The following DTWD2 variants were observed in gnomAD, a reference collection of about 807,000 sequenced individuals.
DTWD2 encodes DTW motif tRNA-uridine aminocarboxypropyltransferase 2.
A neutral mutation model predicts 31.8 loss-of-function variants in DTWD2; 39 were observed. That is an observed-to-expected ratio of 1.22 (90% CI 0.95 to 1.60). DTWD2 has a LOEUF of 1.60. Ranked by LOEUF, DTWD2 falls within the 40% of genes most tolerant of loss-of-function variation. DTWD2 has a pLI of 0.00. For synonymous variants in DTWD2, 180 were observed against 142.8 expected (o/e 1.26, Z -1.86); for missense variants, 515 against 381.5 (o/e 1.35, Z -2.92).
intron 4 of DTWD2, among the ~76,000 whole-genome samples, chr5:118,871,214 CTCTTG>C (rs1752497313): frequency 6.6e-6 from 1 of 152,074 alleles, no homozygotes; most frequent in African/African-American, 2.4e-5. Flanking sequence ...AATTTTAGTT[CTCTTG>C]TTATTTTCAC....
At chr5:118,870,871 T>C (rs1238942474) in intron 4 of DTWD2, among the ~76,000 whole-genome samples, 1 of 151,426 alleles carries the variant, frequency 6.6e-6, no homozygotes, top group East Asian at 1.9e-4. Context: ...TTTTCAAAAC[T>C]GGAGTCAATC....
At chr5:118,959,651 A>T (rs1580438279) in intron 1 of DTWD2, among the ~76,000 whole-genome samples, 2 of 152,250 alleles carry the variant, frequency 1.3e-5, no homozygotes, top group East Asian at 3.8e-4. Flanking sequence ...AACAATTGCA[A>T]TTCTAAGCAA....
chr5:118,959,500 A>T (rs1039008019), intron 1 of DTWD2, among the ~76,000 whole-genome samples: 13 of 152,238 alleles, frequency 8.5e-5, no homozygotes, highest in African/African-American at 2.7e-4. Context: ...AGGAAGAGTC[A>T]ACATTGTTAA....
intron 1 of DTWD2, among the ~76,000 whole-genome samples, chr5:118,982,305 C>T (rs1755319207): frequency 2.0e-5 from 3 of 152,058 alleles, no homozygotes; most frequent in African/African-American, 4.8e-5. Context: ...AAATATAATT[C>T]CTATTTTTCC....
Position 118,855,909 on chromosome 5 carries a change from T to A in DTWD2, c.598-7691A>T, listed in dbSNP as rs140736285. On this transcript the variant is annotated intron_variant, in intron 4 of 5. Coordinates refer to ENST00000510708, the MANE Select transcript of DTWD2 (RefSeq NM_173666.4). ...AACACCTTAATTTTCAAAATATGAT[T>A]ACAAAATTTTTAATATTTATAAAAT... Among the ~76,000 whole-genome samples, 754 of 152,268 alleles carry A rather than the reference T, an allele frequency of 5.0e-3. 8 individuals are homozygous for A. The highest frequency in any genetic ancestry group is 0.017 in the African/African-American group (723 of 41,556).
intron 4 of DTWD2, among the ~76,000 whole-genome samples, chr5:118,910,300 T>G (rs756582375): frequency 6.6e-6 from 1 of 152,222 alleles, no homozygotes; most frequent in Non-Finnish European, 1.5e-5. Flanking sequence ...AATATACTTT[T>G]TCACTGCTCA....
chr5:118,930,425 T>A (rs1200504074), intron 3 of DTWD2, among the ~76,000 whole-genome samples: 3 of 152,020 alleles, frequency 2.0e-5, no homozygotes, highest in African/African-American at 7.2e-5. Context: ...ATAAAGAGTT[T>A]GAAAGTCATC....
At chr5:118,974,735 G>A (rs1208627049) in intron 1 of DTWD2, 9 of 468,614 alleles carry the variant, frequency 1.9e-5, no homozygotes, top group Non-Finnish European at 3.4e-5. Flanking sequence ...TATTTTTTTT[G>A]GCCTGTTTGA....
intron 1 of DTWD2, among the ~76,000 whole-genome samples, chr5:118,983,874 G>A (rs1378154792): frequency 3.9e-5 from 6 of 152,200 alleles, no homozygotes; most frequent in African/African-American, 1.2e-4. Context: ...CAGTAGCTGG[G>A]CGCGGTGGCT....
At chr5:118,860,362 T>C (rs1465308189) in intron 4 of DTWD2, among the ~76,000 whole-genome samples, 1 of 151,516 alleles carries the variant, frequency 6.6e-6, no homozygotes, top group Non-Finnish European at 1.5e-5. Flanking sequence ...TAAATATCAT[T>C]CCTTTTCATA....
intron 4 of DTWD2, among the ~76,000 whole-genome samples, chr5:118,872,229 C>A (rs376651906): frequency 1.3e-5 from 2 of 152,184 alleles, no homozygotes; most frequent in East Asian, 3.8e-4. Flanking sequence ...TCCCTATCAG[C>A]AATAAGGTTA....
chr5:118,934,139 T>A (rs1480320952), intron 3 of DTWD2, among the ~76,000 whole-genome samples: 1 of 150,214 alleles, frequency 6.7e-6, no homozygotes, highest in Non-Finnish European at 1.5e-5. Context: ...AAAACACTGA[T>A]AAAAAGCAAA....
At chr5:118,958,602 A>C (rs1021320996) in intron 1 of DTWD2, among the ~76,000 whole-genome samples, 2 of 143,282 alleles carry the variant, frequency 1.4e-5, no homozygotes, top group African/African-American at 5.1e-5. Flanking sequence ...AAAAAAAAAG[A>C]CTATTATGAA....
At chr5:118,895,579 G>C (rs1753067218) in intron 4 of DTWD2, among the ~76,000 whole-genome samples, 1 of 152,176 alleles carries the variant, frequency 6.6e-6, no homozygotes, top group African/African-American at 2.4e-5. Flanking sequence ...GAACAACAAA[G>C]CTGAAGGCAT....
intron 4 of DTWD2, among the ~76,000 whole-genome samples, chr5:118,855,548 A>C (rs1427496801): frequency 6.6e-6 from 1 of 152,104 alleles, no homozygotes; most frequent in Non-Finnish European, 1.5e-5. Context: ...CGACTTATTA[A>C]AATACTGATG....
At chr5:118,873,871 C>T (rs1752564074) in intron 4 of DTWD2, among the ~76,000 whole-genome samples, 1 of 152,184 alleles carries the variant, frequency 6.6e-6, no homozygotes, top group African/African-American at 2.4e-5. Flanking sequence ...GGAGACTTTG[C>T]AACCCCTCTA....
chr5:118,866,941 AT>A (rs1752394261), intron 4 of DTWD2, among the ~76,000 whole-genome samples: 1 of 152,148 alleles, frequency 6.6e-6, no homozygotes, highest in Non-Finnish European at 1.5e-5. Flanking sequence ...AAATAAAAAA[AT>A]AAACTACAAA....
In DTWD2 at chr5:118,908,711, T is replaced by C. The variant is rs75683926; in HGVS notation, c.597+19826A>G. Among the ~76,000 whole-genome samples the C allele has an allele frequency of 3.5e-5, 5 of 142,294 alleles. No homozygotes were observed. In the East Asian group the frequency reaches 1.0e-3, roughly 29 times the overall value. The allele number at this position is 142,294 out of a possible 152,430, so 93.4% of individuals were successfully genotyped here. On this transcript the variant is annotated intron_variant, in intron 4 of 5. Coordinates refer to ENST00000510708, the MANE Select transcript of DTWD2 (RefSeq NM_173666.4). ...TACCCATCAAAATGAACAAAAGTAA[T>C]AGAAAAGAAAATGTAACCTGAAGAC... is the stretch of plus-strand genomic sequence containing the variant.
At chr5:118,917,382 G>C (rs1163194833) in intron 4 of DTWD2, among the ~76,000 whole-genome samples, 1 of 152,174 alleles carries the variant, frequency 6.6e-6, no homozygotes, top group African/African-American at 2.4e-5. Flanking sequence ...AAAAGAAACA[G>C]CCAGGTTTTT....
Sources: gnomAD v4.1 joint callset for allele counts (sites outside exome capture counted in the v4.1 genomes callset) on GRCh38, gnomAD v4.1.1 for gene constraint, MANE v1.5 for transcripts, NCBI Gene and HGNC (gene_info 2026-07-23, HGNC 2026-07-21) for gene names.